Variants in ABI2 observed in about 807,000 individuals in gnomAD.
ABI2 encodes abl interactor 2.
Under a neutral mutation model 59.2 loss-of-function variants are expected in ABI2, and 25 were observed. That is an observed-to-expected ratio of 0.42 (90% CI 0.31 to 0.59). ABI2 has a LOEUF of 0.59. Ranked by LOEUF, ABI2 falls within the 20% of genes least tolerant of loss-of-function variation. ABI2 has a pLI of 0.14. For synonymous variants in ABI2, 213 were observed against 235.5 expected (o/e 0.90, Z 0.87); for missense variants, 545 against 681.8 (o/e 0.80, Z 2.23).
At chr2:203,352,531 A>C (rs182540404) in intron 1 of ABI2, among the ~76,000 whole-genome samples, 1 of 151,988 alleles carries the variant, frequency 6.6e-6, no homozygotes, top group East Asian at 1.9e-4. Flanking sequence ...GGTTAGGCTA[A>C]TACGTCTGTG....
At position 203,417,235 on chromosome 2, in the gene ABI2, A is replaced by C. The variant is rs139380718; in HGVS notation, c.1453+154A>C. 3.2e-4 allele frequency among the ~76,000 whole-genome samples: 48 copies of C among 152,366 alleles called. 1 individual carries two copies. Among genetic ancestry groups the C allele is most frequent in the Middle Eastern group, 3.4e-3 (1 of 294 alleles). On this transcript the variant is annotated intron_variant, in intron 11 of 11. Coordinates refer to ENST00000261018, the MANE Select transcript of ABI2 (RefSeq NM_001375670.1). ...TGAGTTTACAAGGTTCATGATTTTG[A>C]AAGTTACACTAGTAAAATTCTGTGA...
intron 4 of ABI2, 22 bp from the exon 5 acceptor site, chr2:203,391,024 A>G: frequency 1.2e-6 from 2 of 1,600,132 alleles, no homozygotes; most frequent in Non-Finnish European, 1.7e-6. Flanking sequence ...ATACAAGTTG[A>G]GTTTTCCTTA....
chr2:203,347,050 TAG>T (rs1162277646), intron 1 of ABI2, among the ~76,000 whole-genome samples: 6 of 152,260 alleles, frequency 3.9e-5, no homozygotes, highest in Non-Finnish European at 7.3e-5. Context: ...TTTCATATAA[TAG>T]AGTTTGAAAC....
At chr2:203,348,639 T>A (rs551468774) in intron 1 of ABI2, among the ~76,000 whole-genome samples, 210 of 152,334 alleles carry the variant, frequency 1.4e-3, no homozygotes, top group Middle Eastern at 3.4e-3. Flanking sequence ...GAGTTTATTT[T>A]ATCTTATTAT....
At position 203,428,281 on chromosome 2, in the gene ABI2, A is replaced by G. The variant is rs566484167; in HGVS notation, c.*929A>G. ...CTTGGAGTTCAGACCAACTATGACT[A>G]TCATTTCCTTCACTATCTAGAAAAA... On this transcript the variant is annotated 3_prime_UTR_variant, in exon 12 of 12. Coordinates refer to ENST00000261018, the MANE Select transcript of ABI2 (RefSeq NM_001375670.1). 7 of 152,694 alleles carry G rather than the reference A, an allele frequency of 4.6e-5. No homozygotes were observed. The highest frequency in any genetic ancestry group is 2.6e-4 in the Admixed American group (4 of 15,296). The allele number at this position is 152,694 out of a possible 1,614,324, so 9.5% of individuals were successfully genotyped here. A position where few individuals can be genotyped will look rare whatever the true frequency, so the allele number is the denominator to read the frequency against.
chr2:203,336,001 C>T (rs2076281472), intron 1 of ABI2, among the ~76,000 whole-genome samples: 1 of 152,156 alleles, frequency 6.6e-6, no homozygotes. Flanking sequence ...TTCTGTCCCT[C>T]TAGTTTTTGC....
chr2:203,367,145 A>G, intron 2 of ABI2, 101 bp downstream of exon 2: 1 of 1,359,712 alleles, frequency 7.4e-7, no homozygotes. Context: ...GTTAACTCAC[A>G]TGTACGATTT....
intron 4 of ABI2, among the ~76,000 whole-genome samples, chr2:203,389,950 G>C (rs1305048995): frequency 6.6e-6 from 1 of 152,188 alleles, no homozygotes. Flanking sequence ...TTACGGTCCA[G>C]CTCTGACTTA....
At chr2:203,347,232 T>A (rs1272438970) in intron 1 of ABI2, among the ~76,000 whole-genome samples, 1 of 152,156 alleles carries the variant, frequency 6.6e-6, no homozygotes, top group Non-Finnish European at 1.5e-5. Context: ...GTGAGTTGAG[T>A]AATTCATTTT....
chr2:203,337,732 T>C (rs1233292879), intron 1 of ABI2, among the ~76,000 whole-genome samples: 1 of 152,190 alleles, frequency 6.6e-6, no homozygotes, highest in Non-Finnish European at 1.5e-5. Context: ...GATTTCAAAC[T>C]ATATTACAAA....
intron 1 of ABI2, among the ~76,000 whole-genome samples, chr2:203,363,831 C>T (rs2093918741): frequency 6.6e-6 from 1 of 152,052 alleles, no homozygotes; most frequent in African/African-American, 2.4e-5. Context: ...ATGGTGCGAT[C>T]TCGGCTCACT....
intron 1 of ABI2, among the ~76,000 whole-genome samples, chr2:203,342,986 T>C (rs2080942578): frequency 6.6e-6 from 1 of 152,208 alleles, no homozygotes; most frequent in African/African-American, 2.4e-5. Flanking sequence ...CATGTGTAAA[T>C]AATACAGTCT....
At chr2:203,328,733 GA>G in intron 1 of ABI2, 102 bp downstream of exon 1, 1 of 668,890 alleles carries the variant, frequency 1.5e-6, no homozygotes, top group East Asian at 3.5e-5. Flanking sequence ...CGGCCCAGCG[GA>G]GCCCCCGATG....
intron 4 of ABI2, among the ~76,000 whole-genome samples, chr2:203,386,154 A>G (rs1037257422): frequency 1.3e-5 from 2 of 152,222 alleles, no homozygotes; most frequent in Admixed American, 1.3e-4. Flanking sequence ...AGATGGGACT[A>G]TAATGGGGAA....
In ABI2 at chr2:203,411,382, G is replaced by A. The variant is rs2097668511; in HGVS notation, c.1279+11G>A. The A allele has an allele frequency of 6.2e-7, 1 of 1,600,282 alleles. No homozygotes were observed. Among genetic ancestry groups the A allele is most frequent in the Non-Finnish European group, 8.6e-7 (1 of 1,167,778 alleles). On this transcript the variant is annotated intron_variant, in intron 10 of 11. Coordinates refer to ENST00000261018, the MANE Select transcript of ABI2 (RefSeq NM_001375670.1). ...GAGTCCAAGAAAATAGTAAGTTTAT[G>A]TCTTCTTTATGCTGTAGATCAGATT... is the stretch of plus-strand genomic sequence containing the variant.
intron 11 of ABI2, among the ~76,000 whole-genome samples, chr2:203,425,346 G>C (rs1477053809): frequency 2.6e-5 from 4 of 152,036 alleles, no homozygotes; most frequent in African/African-American, 7.2e-5. Flanking sequence ...GGGATTACAG[G>C]CGCCCACCAC....
At chr2:203,332,713 T>A (rs1046349069) in intron 1 of ABI2, among the ~76,000 whole-genome samples, 6 of 152,232 alleles carry the variant, frequency 3.9e-5, no homozygotes, top group African/African-American at 1.4e-4. Flanking sequence ...AATCTACGTT[T>A]TTACAAATAG....
chr2:203,393,143 C>T (rs1279422320), intron 5 of ABI2, among the ~76,000 whole-genome samples: 1 of 152,220 alleles, frequency 6.6e-6, no homozygotes, highest in South Asian at 2.1e-4. Context: ...CCAGGCAATT[C>T]TCTTGCCTCC....
At chr2:203,365,622 C>CTTTTTTTTTTTTTTTTTTTTTTTTT (rs71007507) in intron 1 of ABI2, among the ~76,000 whole-genome samples, 3 of 63,908 alleles carry the variant, frequency 4.7e-5, no homozygotes, top group Non-Finnish European at 5.5e-5. Flanking sequence ...GGGCTGTTAT[C>CTTTTTTTTTTTTTTTTTTTTTTTTT]TTTTTTTTTT....
Sources: allele counts gnomAD v4.1 joint callset (sites outside exome capture counted in the v4.1 genomes callset), GRCh38; gene constraint gnomAD v4.1.1; transcripts MANE v1.5; gene names NCBI Gene and HGNC (gene_info 2026-07-23, HGNC 2026-07-21).